Variants in RSRC1 observed in about 807,000 individuals in gnomAD.
RSRC1 encodes arginine and serine rich coiled-coil 1.
In RSRC1, 39 loss-of-function variants were observed where a neutral mutation model predicts 49.1. The ratio of observed to expected loss-of-function variants is 0.79; its 90% CI spans 0.61 to 1.04. The LOEUF is 1.04. RSRC1 is among the 50% of genes least tolerant of loss of function. The pLI, the probability that RSRC1 is intolerant of heterozygous loss-of-function variation, is 0.00. For missense variants in RSRC1, 388 were observed against 402.4 expected (o/e 0.96, Z 0.31); for synonymous variants, 143 against 130.8 (o/e 1.09, Z -0.63).
intron 6 of RSRC1, among the ~76,000 whole-genome samples, chr3:158,394,487 G>A (rs1278956857): frequency 1.3e-5 from 2 of 152,056 alleles, no homozygotes; most frequent in African/African-American, 4.8e-5. Context: ...TGGAGTTTCA[G>A]CAAACTTCCA....
At chr3:158,419,402 G>A (rs1363231298) in intron 6 of RSRC1, among the ~76,000 whole-genome samples, 1 of 151,858 alleles carries the variant, frequency 6.6e-6, no homozygotes, top group Non-Finnish European at 1.5e-5. Flanking sequence ...GATAACTGAA[G>A]CAAATAATTG....
chr3:158,262,378 G>T (rs1005705212), intron 4 of RSRC1, among the ~76,000 whole-genome samples: 1 of 152,030 alleles, frequency 6.6e-6, no homozygotes, highest in African/African-American at 2.4e-5. Context: ...ATCATTTGTT[G>T]ACAAGAGTAT....
chr3:158,210,608 TATAAC>T (rs1259299455), intron 4 of RSRC1, among the ~76,000 whole-genome samples: 1 of 152,040 alleles, frequency 6.6e-6, no homozygotes, highest in Admixed American at 6.6e-5. Context: ...AAATGAATAT[TATAAC>T]ATAGTGGCCC....
intron 4 of RSRC1, among the ~76,000 whole-genome samples, chr3:158,278,508 C>CCTCAAATA (rs1468928991): frequency 1.3e-5 from 2 of 152,216 alleles, no homozygotes; most frequent in East Asian, 3.8e-4. Context: ...ATTCCACACT[C>CCTCAAATA]AGCACTGACT....
chr3:158,492,488 C>A (rs989376936), intron 7 of RSRC1, among the ~76,000 whole-genome samples: 8 of 152,202 alleles, frequency 5.3e-5, no homozygotes, highest in African/African-American at 1.9e-4. Flanking sequence ...CTCTGGATAG[C>A]TGCAGATGAT....
intron 3 of RSRC1, among the ~76,000 whole-genome samples, chr3:158,195,372 G>T: frequency 6.9e-6 from 1 of 144,114 alleles, no homozygotes; most frequent in Admixed American, 7.0e-5. Flanking sequence ...AAATTTGTTT[G>T]AGTTCATTGT....
At chr3:158,245,004 G>GT (rs3052859) in intron 4 of RSRC1, among the ~76,000 whole-genome samples, 18,407 of 128,814 alleles carry the variant, frequency 0.14, 2,077 homozygotes, top group African/African-American at 0.29. Flanking sequence ...TTTTTCAAAG[G>GT]TTTTTTTTTT....
At position 158,390,576 on chromosome 3, in the gene RSRC1, G is replaced by A. The variant is rs573142466; in HGVS notation, c.583+35668G>A. On this transcript the variant is annotated intron_variant, in intron 6 of 9. Coordinates refer to ENST00000611884, the MANE Select transcript of RSRC1 (RefSeq NM_001271838.2). ...TTATGGAGCATTTATTATTTACTAG[G>A]GATTATACTAACTACATAGAATTTC... Among the ~76,000 whole-genome samples, 12 of 151,912 alleles carry A rather than the reference G, an allele frequency of 7.9e-5. No homozygotes were observed. In the South Asian group the frequency reaches 2.5e-3, roughly 32 times the overall value.
chr3:158,397,876 A>T (rs1159265993), intron 6 of RSRC1, among the ~76,000 whole-genome samples: 1 of 152,122 alleles, frequency 6.6e-6, no homozygotes, highest in Non-Finnish European at 1.5e-5. Flanking sequence ...TAAAAGAGAT[A>T]GAAAAGTTAG....
At chr3:158,543,590 A>C in intron 9 of RSRC1, 103 bp downstream of exon 9, 1 of 1,225,656 alleles carries the variant, frequency 8.2e-7, no homozygotes, top group Non-Finnish European at 1.1e-6. Context: ...CATTGGAGGA[A>C]ACAGGTTCAT....
chr3:158,331,541 T>C (rs1729546040), intron 5 of RSRC1, among the ~76,000 whole-genome samples: 1 of 152,140 alleles, frequency 6.6e-6, no homozygotes, highest in South Asian at 2.1e-4. Context: ...GTTGGGTTTT[T>C]TTCTTTATGA....
intron 6 of RSRC1, among the ~76,000 whole-genome samples, chr3:158,453,666 A>G (rs12631196): frequency 0.61 from 91,815 of 151,524 alleles, 28,755 homozygotes; most frequent in African/African-American, 0.74. Context: ...ACCACACCTC[A>G]CCAGCGTTTT....
chr3:158,484,318 AC>A (rs1738733674), intron 7 of RSRC1, among the ~76,000 whole-genome samples: 1 of 152,148 alleles, frequency 6.6e-6, no homozygotes. Flanking sequence ...TGCTTGGAAA[AC>A]ATCATTTTGA....
At position 158,543,320 on chromosome 3, in the gene RSRC1, T is replaced by G. The variant is rs766606018; in HGVS notation, c.760-15T>G. The G allele has an allele frequency of 3.9e-6, 6 of 1,522,846 alleles. No homozygotes were observed. In the Admixed American group the frequency reaches 1.4e-4, roughly 35 times the overall value. The allele number at this position is 1,522,846 out of a possible 1,614,324, so 94.3% of individuals were successfully genotyped here. A position where few individuals can be genotyped will look rare whatever the true frequency, so the allele number is the denominator to read the frequency against. On this transcript the variant is annotated splice_polypyrimidine_tract_variant and intron_variant, in intron 8 of 9. Transcript: ENST00000611884. ...TGTGTATTGTGTTGAAATTAATATG[T>G]GTTGTTTCTTTCAGTCAGTGGAACC...
chr3:158,305,160 A>G (rs563620388), intron 5 of RSRC1, among the ~76,000 whole-genome samples: 1 of 152,032 alleles, frequency 6.6e-6, no homozygotes, highest in East Asian at 1.9e-4. Context: ...CCCTTCCCCA[A>G]TCCCTCCTTT....
chr3:158,314,733 A>C (rs1728322172), intron 5 of RSRC1, among the ~76,000 whole-genome samples: 1 of 152,224 alleles, frequency 6.6e-6, no homozygotes, highest in Non-Finnish European at 1.5e-5. Context: ...AAATAAACAT[A>C]GTTTAAGATA....
At chr3:158,459,397 G>A (rs1202014285) in intron 6 of RSRC1, among the ~76,000 whole-genome samples, 1 of 152,072 alleles carries the variant, frequency 6.6e-6, no homozygotes, top group Non-Finnish European at 1.5e-5. Context: ...CGTTGTTAAT[G>A]GAGGTTCTTG....
At chr3:158,237,697 G>T (rs959037848) in intron 4 of RSRC1, among the ~76,000 whole-genome samples, 2 of 152,138 alleles carry the variant, frequency 1.3e-5, no homozygotes, top group Non-Finnish European at 2.9e-5. Context: ...AGCTTAAGGA[G>T]ATTTTGGGCT....
At chr3:158,396,108 C>T (rs1003986699) in intron 6 of RSRC1, among the ~76,000 whole-genome samples, 1 of 152,088 alleles carries the variant, frequency 6.6e-6, no homozygotes, top group Non-Finnish European at 1.5e-5. Flanking sequence ...GCTGCGTGTC[C>T]TCACTTATAA....
Sources: allele counts gnomAD v4.1 joint callset (sites outside exome capture counted in the v4.1 genomes callset), GRCh38; gene constraint gnomAD v4.1.1; transcripts MANE v1.5; gene names NCBI Gene and HGNC (gene_info 2026-07-23, HGNC 2026-07-21).